Variants in MLLT3 observed in about 807,000 individuals in gnomAD.
MLLT3 encodes MLLT3 super elongation complex subunit, also known as protein AF-9.
In MLLT3, 4 loss-of-function variants were observed where a neutral mutation model predicts 53.2. The observed-to-expected ratio is 0.08, with a 90% CI of 0.04 to 0.17. MLLT3 has a LOEUF of 0.17. Ranked by LOEUF, MLLT3 falls within the 10% of genes least tolerant of loss-of-function variation. The pLI is 1.00. For missense variants in MLLT3, 569 were observed against 684.0 expected (o/e 0.83, Z 1.87); for synonymous variants, 283 against 230.6 (o/e 1.23, Z -2.06).
intron 5 of MLLT3, among the ~76,000 whole-genome samples, chr9:20,381,196 T>C (rs1821900223): frequency 6.6e-6 from 1 of 151,974 alleles, no homozygotes; most frequent in Non-Finnish European, 1.5e-5. Context: ...AGAAGCAACA[T>C]GTTTTAGTGC....
intron 2 of MLLT3, among the ~76,000 whole-genome samples, chr9:20,520,188 G>T (rs769788722): frequency 3.9e-5 from 6 of 152,170 alleles, no homozygotes; most frequent in Non-Finnish European, 5.9e-5. Context: ...ACACACACTG[G>T]GGCCTGTTGG....
At chr9:20,360,869 A>G (rs774514672) in intron 7 of MLLT3, 28 bp from the exon 8 acceptor site, 8 of 1,565,474 alleles carry the variant, frequency 5.1e-6, no homozygotes, top group Non-Finnish European at 7.0e-6. Flanking sequence ...AGTTATGCAC[A>G]TCATTACAAA....
intron 2 of MLLT3, among the ~76,000 whole-genome samples, chr9:20,518,240 G>A (rs1405363729): frequency 6.6e-6 from 1 of 152,104 alleles, no homozygotes; most frequent in Non-Finnish European, 1.5e-5. Flanking sequence ...AGCTACTCAG[G>A]AGGCTGAGGC....
At chr9:20,458,674 C>T (rs1013493110) in intron 2 of MLLT3, among the ~76,000 whole-genome samples, 3 of 152,170 alleles carry the variant, frequency 2.0e-5, no homozygotes, top group African/African-American at 7.2e-5. Context: ...GGAGGGCCCC[C>T]ACCAGAATCC....
At chr9:20,592,987 A>T (rs1047334480) in intron 2 of MLLT3, among the ~76,000 whole-genome samples, 3 of 152,224 alleles carry the variant, frequency 2.0e-5, no homozygotes, top group Non-Finnish European at 4.4e-5. Flanking sequence ...ATATAGTGAC[A>T]TTCCAACACT....
chr9:20,410,093 C>G (rs748069872), intron 5 of MLLT3, among the ~76,000 whole-genome samples: 133 of 152,038 alleles, frequency 8.7e-4, no homozygotes, highest in Admixed American at 3.0e-3. Flanking sequence ...GTAGCAGAAC[C>G]ATATCAACAT....
At chr9:20,429,105 G>A (rs889098098) in intron 4 of MLLT3, among the ~76,000 whole-genome samples, 1 of 152,176 alleles carries the variant, frequency 6.6e-6, no homozygotes, top group Non-Finnish European at 1.5e-5. Flanking sequence ...GTTCATGCCT[G>A]TAATCCCTGT....
At chr9:20,423,471 T>C (rs1182454752) in intron 4 of MLLT3, among the ~76,000 whole-genome samples, 4 of 152,076 alleles carry the variant, frequency 2.6e-5, no homozygotes, top group Non-Finnish European at 5.9e-5. Context: ...TGGCCCCCCA[T>C]ATCCAAGGGT....
chr9:20,527,443 G>A (rs565513996), intron 2 of MLLT3, among the ~76,000 whole-genome samples: 4 of 152,100 alleles, frequency 2.6e-5, no homozygotes, highest in Non-Finnish European at 5.9e-5. Context: ...ATGGAGTTTT[G>A]AACAGACCTT....
At chr9:20,524,248 C>T (rs577030489) in intron 2 of MLLT3, among the ~76,000 whole-genome samples, 1 of 151,916 alleles carries the variant, frequency 6.6e-6, no homozygotes, top group South Asian at 2.1e-4. Flanking sequence ...AATCTCTGTA[C>T]CTTCTGCTTG....
chr9:20,492,072 G>C (rs1434682025), intron 2 of MLLT3, among the ~76,000 whole-genome samples: 1 of 151,992 alleles, frequency 6.6e-6, no homozygotes, highest in Admixed American at 6.6e-5. Context: ...AAAAAGAGAT[G>C]ATTTCTAGCC....
chr9:20,427,087 C>T (rs538744967), intron 4 of MLLT3, among the ~76,000 whole-genome samples: 1 of 151,850 alleles, frequency 6.6e-6, no homozygotes, highest in Non-Finnish European at 1.5e-5. Flanking sequence ...TACGAATTCG[C>T]GATTTAAAAA....
intron 5 of MLLT3, chr9:20,412,090 C>A (rs1009131384): frequency 2.0e-5 from 3 of 152,056 alleles, no homozygotes; most frequent in African/African-American, 4.8e-5. Context: ...GATTTGAAAA[C>A]CTCTATACTA....
intron 10 of MLLT3, among the ~76,000 whole-genome samples, chr9:20,351,549 T>C (rs1821030682): frequency 6.6e-6 from 1 of 152,200 alleles, no homozygotes; most frequent in African/African-American, 2.4e-5. Flanking sequence ...TGTCTGTTCA[T>C]TAAACTAGCT....
rs116214089 is a variant in MLLT3 at position 20,367,191 on chromosome 9, C to G, written c.1126-1447G>C. 1.6e-3 allele frequency among the ~76,000 whole-genome samples: 237 copies of G among 151,948 alleles called. 1 individual carries two copies. Among genetic ancestry groups the G allele is most frequent in the African/African-American group, 5.5e-3 (229 of 41,426 alleles). ...CCCAATCTCTTACGCTCTATGAATT[C>G]TCCTTATCCTTTTCTAACCAGAAAG... On this transcript the variant is annotated intron_variant, in intron 5 of 10. Coordinates refer to ENST00000380338, the MANE Select transcript of MLLT3 (RefSeq NM_004529.4).
intron 2 of MLLT3, among the ~76,000 whole-genome samples, chr9:20,592,725 T>C (rs1475474248): frequency 6.6e-6 from 1 of 152,102 alleles, no homozygotes; most frequent in East Asian, 1.9e-4. Context: ...CCTAAATAAA[T>C]ACTCACAAGC....
chr9:20,537,478 AT>A (rs1237645038), intron 2 of MLLT3, among the ~76,000 whole-genome samples: 1 of 152,228 alleles, frequency 6.6e-6, no homozygotes, highest in Non-Finnish European at 1.5e-5. Context: ...ATCTTGAGTC[AT>A]AAGCTCCAGT....
chr9:20,388,501 T>C (rs1822097777), intron 5 of MLLT3, among the ~76,000 whole-genome samples: 1 of 151,952 alleles, frequency 6.6e-6, no homozygotes, highest in African/African-American at 2.4e-5. Context: ...GGCAGGAGAA[T>C]GGAGTGAACC....
chr9:20,622,430 G>C lies in MLLT3; in HGVS notation c.-174C>G, dbSNP rs1376739291. 1 of 602,892 alleles carries C rather than the reference G, an allele frequency of 1.7e-6. No individual in the cohort carries two copies. Among genetic ancestry groups the C allele is most frequent in the East Asian group, 3.2e-5 (1 of 31,446 alleles). 37.3% of individuals were successfully genotyped at this position (602,892 alleles called of 1,614,324 possible). A position where few individuals can be genotyped will look rare whatever the true frequency, so the allele number is the denominator to read the frequency against. On this transcript the variant is annotated 5_prime_UTR_variant, in exon 1 of 11. Transcript: ENST00000380338. ...CCCGCGCTCGCTTGCTCGCTCGCTC[G>C]CTTATTAAACTCAGCCCCAAAAGCA... is the stretch of plus-strand genomic sequence containing the variant.
Sources: gnomAD v4.1 joint callset for allele counts (sites outside exome capture counted in the v4.1 genomes callset) on GRCh38, gnomAD v4.1.1 for gene constraint, MANE v1.5 for transcripts, NCBI Gene and HGNC (gene_info 2026-07-23, HGNC 2026-07-21) for gene names.